Variants in NEBL observed in about 807,000 individuals in gnomAD.
NEBL encodes the protein nebulette.
NEBL carries 122 observed loss-of-function variants against 140.2 expected under a neutral mutation model. The observed-to-expected ratio is 0.87, with a 90% CI of 0.75 to 1.01. The LOEUF (loss-of-function observed/expected upper bound fraction) is 1.01. Among genes scored for constraint, NEBL ranks in the 50% least tolerant of loss-of-function variants. The pLI is 0.00. For missense variants in NEBL, 1,365 were observed against 1,231.3 expected (o/e 1.11, Z -1.62); for synonymous variants, 436 against 398.9 (o/e 1.09, Z -1.11).
chr10:20,878,483 G>C (rs1845718633), intron 5 of NEBL, among the ~76,000 whole-genome samples: 1 of 152,158 alleles, frequency 6.6e-6, no homozygotes, highest in Admixed American at 6.5e-5. Flanking sequence ...AACTTTTACA[G>C]GAGACAGGTT....
intron 3 of NEBL, among the ~76,000 whole-genome samples, chr10:21,001,482 A>C (rs368737349): frequency 6.6e-6 from 1 of 152,096 alleles, no homozygotes; most frequent in South Asian, 2.1e-4. Context: ...GCATTATCAC[A>C]GATACTCCAG....
At chr10:21,180,424 G>C (rs1212214992) in intron 3 of NEBL, among the ~76,000 whole-genome samples, 1 of 152,120 alleles carries the variant, frequency 6.6e-6, no homozygotes, top group Non-Finnish European at 1.5e-5. Context: ...AAACAAAGTG[G>C]GTAAAATTTC....
In NEBL at chr10:20,787,636, T is replaced by G. The variant is rs145715141; in HGVS notation, c.2762-328A>C. 0.011 allele frequency among the ~76,000 whole-genome samples: 1,728 copies of G among 152,334 alleles called. 52 individuals carry two copies. Among genetic ancestry groups the G allele is most frequent in the African/African-American group, 0.039 (1,606 of 41,580 alleles). On this transcript the variant is annotated intron_variant, in intron 26 of 27. Transcript: ENST00000377122. ...GAAATCATGTTTTTATTCGACCATGTGATCCTTTTTGGCATTTTCCAAAAG... is the reference window on the plus strand; with the variant it reads ...GAAATCATGTTTTTATTCGACCATGGGATCCTTTTTGGCATTTTCCAAAAG...
At chr10:21,055,765 C>G (rs111963054) in intron 2 of NEBL, among the ~76,000 whole-genome samples, 1 of 152,172 alleles carries the variant, frequency 6.6e-6, no homozygotes, top group Non-Finnish European at 1.5e-5. Flanking sequence ...AAGCCTGTAG[C>G]GCAGATAATC....
At chr10:20,885,742 T>C (rs1846457365) in intron 4 of NEBL, among the ~76,000 whole-genome samples, 2 of 152,226 alleles carry the variant, frequency 1.3e-5, no homozygotes, top group Non-Finnish European at 2.9e-5. Context: ...TATTGCTTAA[T>C]TGTTGCTTGT....
intron 3 of NEBL, among the ~76,000 whole-genome samples, chr10:21,000,012 C>T (rs1837825046): frequency 1.3e-5 from 2 of 151,940 alleles, no homozygotes; most frequent in Admixed American, 6.6e-5. Context: ...CAAAGCACTT[C>T]CTCCTCTGAT....
At chr10:21,274,696 G>C (rs963904595) in intron 1 of NEBL, among the ~76,000 whole-genome samples, 2 of 152,014 alleles carry the variant, frequency 1.3e-5, no homozygotes, top group African/African-American at 4.8e-5. Context: ...AAAGTGCTGG[G>C]ATTACAAGTT....
At chr10:21,226,178 C>A (rs190205248) in intron 3 of NEBL, among the ~76,000 whole-genome samples, 1 of 151,962 alleles carries the variant, frequency 6.6e-6, no homozygotes, top group East Asian at 1.9e-4. Flanking sequence ...CTAGAAATGT[C>A]AGGGAGCTAG....
At chr10:20,965,148 TG>T (rs1836243753) in intron 3 of NEBL, among the ~76,000 whole-genome samples, 2 of 152,212 alleles carry the variant, frequency 1.3e-5, no homozygotes, top group Admixed American at 6.5e-5. Context: ...GCACCTACTA[TG>T]GGCCAAGAGC....
chr10:21,198,296 C>T (rs762172203), intron 3 of NEBL, among the ~76,000 whole-genome samples: 6 of 152,128 alleles, frequency 3.9e-5, no homozygotes, highest in Non-Finnish European at 5.9e-5. Context: ...ATTCAAAGAC[C>T]TTTTCCATAT....
At chr10:20,882,245 A>T (rs532532394) in intron 4 of NEBL, among the ~76,000 whole-genome samples, 31 of 151,576 alleles carry the variant, frequency 2.0e-4, no homozygotes, top group Non-Finnish European at 4.0e-4. Context: ...GGAAGGAAGG[A>T]AAAGGAAAAG....
At chr10:20,953,825 AT>A (rs1015205711) in intron 4 of NEBL, among the ~76,000 whole-genome samples, 1 of 152,106 alleles carries the variant, frequency 6.6e-6, no homozygotes, top group African/African-American at 2.4e-5. Flanking sequence ...AAATTAGTCA[AT>A]ATTTTACATA....
intron 3 of NEBL, among the ~76,000 whole-genome samples, chr10:21,001,201 C>T (rs766463989): frequency 4.6e-5 from 7 of 152,106 alleles, no homozygotes; most frequent in African/African-American, 1.2e-4. Context: ...GCCGACAGAC[C>T]GCCAGAGACA....
chr10:20,881,875 A>C (rs916302134), intron 4 of NEBL, among the ~76,000 whole-genome samples: 1 of 152,236 alleles, frequency 6.6e-6, no homozygotes, highest in Non-Finnish European at 1.5e-5. Flanking sequence ...AAAGGATGTT[A>C]AATGGAGTTG....
At chr10:21,285,804 G>T (rs1185957636) in intron 1 of NEBL, among the ~76,000 whole-genome samples, 1 of 152,184 alleles carries the variant, frequency 6.6e-6, no homozygotes, top group Non-Finnish European at 1.5e-5. Context: ...AAGCAAAGGA[G>T]TCACTCCTGT....
chr10:20,827,902 AC>A (rs1840034715), intron 17 of NEBL, among the ~76,000 whole-genome samples: 1 of 152,118 alleles, frequency 6.6e-6, no homozygotes, highest in Admixed American at 6.6e-5. Context: ...GAGGCGAACA[AC>A]ACACACAGGG....
At chr10:21,047,648 T>A (rs773914445) in intron 2 of NEBL, among the ~76,000 whole-genome samples, 7 of 151,958 alleles carry the variant, frequency 4.6e-5, no homozygotes, top group Non-Finnish European at 4.4e-5. Flanking sequence ...ACCAAAAAAA[T>A]GTGCAGGAGG....
Position 21,189,072 on chromosome 10 carries a change from A to C in NEBL, n.349-16595T>G, listed in dbSNP as rs74121093. ...GTAGATTGAATGGTGGCCCCCAAAAAGTATGTCAATGTCCTAATCCCCAAC... is the reference window on the plus strand; with the variant it reads ...GTAGATTGAATGGTGGCCCCCAAAACGTATGTCAATGTCCTAATCCCCAAC... On this transcript the variant is annotated intron_variant and non_coding_transcript_variant, in intron 3 of 8. Transcript: ENST00000675702. Among the ~76,000 whole-genome samples the C allele has an allele frequency of 6.0e-3, 913 of 152,302 alleles. 11 individuals carry two copies. Among genetic ancestry groups the C allele is most frequent in the African/African-American group, 0.021 (869 of 41,566 alleles).
At chr10:21,244,131 C>T (rs926215165) in intron 3 of NEBL, among the ~76,000 whole-genome samples, 3 of 152,008 alleles carry the variant, frequency 2.0e-5, no homozygotes, top group African/African-American at 7.2e-5. Context: ...TTTCCCCAGG[C>T]CAAATCTTGA....
Sources: allele counts gnomAD v4.1 joint callset (sites outside exome capture counted in the v4.1 genomes callset), GRCh38; gene constraint gnomAD v4.1.1; transcripts MANE v1.5; gene names NCBI Gene and HGNC (gene_info 2026-07-23, HGNC 2026-07-21).